The following EPHA7 variants were observed in gnomAD, a reference collection of about 807,000 sequenced individuals.
EPHA7 encodes ephrin type-A receptor 7.
A neutral mutation model predicts 112.6 loss-of-function variants in EPHA7; 25 were observed. The ratio of observed to expected loss-of-function variants is 0.22; its 90% CI spans 0.16 to 0.31. EPHA7 has a LOEUF of 0.31. EPHA7 is among the 10% of genes least tolerant of loss of function. The pLI, the probability that EPHA7 is intolerant of heterozygous loss-of-function variation, is 1.00. For missense variants in EPHA7, 962 were observed against 1,212.6 expected (o/e 0.79, Z 3.07); for synonymous variants, 437 against 406.5 (o/e 1.07, Z -0.90).
intron 3 of EPHA7, among the ~76,000 whole-genome samples, chr6:93,397,650 G>A (rs561978311): frequency 6.6e-6 from 1 of 151,984 alleles, no homozygotes; most frequent in Admixed American, 6.6e-5. Flanking sequence ...CATTCCATTG[G>A]ATTCCAGTCT....
At chr6:93,245,560 A>C in intron 15 of EPHA7, 107 bp from the exon 16 acceptor site, 2 of 1,100,140 alleles carry the variant, frequency 1.8e-6, no homozygotes, top group Non-Finnish European at 2.5e-6. Flanking sequence ...AGATGTTTTA[A>C]TTGGTGTACA....
intron 5 of EPHA7, among the ~76,000 whole-genome samples, chr6:93,281,607 CATTA>C (rs1348214743): frequency 6.6e-6 from 1 of 152,118 alleles, no homozygotes; most frequent in East Asian, 1.9e-4. Flanking sequence ...CACACACATA[CATTA>C]GTTAATGACC....
Position 93,243,249 on chromosome 6 carries a change from T to C in EPHA7, c.*177A>G. On this transcript the variant is annotated 3_prime_UTR_variant, in exon 17 of 17. Transcript: ENST00000369303. ...CCGATGGTGGATCCTAAATTCCCTTTTTATATATTCTGGTGGCACTTAGGA... is the reference window on the plus strand; with the variant it reads ...CCGATGGTGGATCCTAAATTCCCTTCTTATATATTCTGGTGGCACTTAGGA... 4.4e-6 allele frequency: 2 copies of C among 449,856 alleles called. No homozygotes were observed. The highest frequency in any genetic ancestry group is 2.0e-5 in the African/African-American group (1 of 50,494). The allele number at this position is 449,856 out of a possible 1,614,324, so 27.9% of individuals were successfully genotyped here. A position where few individuals can be genotyped will look rare whatever the true frequency, so the allele number is the denominator to read the frequency against.
At chr6:93,364,196 TA>T (rs1776392112) in intron 3 of EPHA7, among the ~76,000 whole-genome samples, 1 of 152,142 alleles carries the variant, frequency 6.6e-6, no homozygotes, top group Non-Finnish European at 1.5e-5. Context: ...AATTGTATGA[TA>T]TGTGAATTAT....
chr6:93,368,666 A>G (rs1390374980), intron 3 of EPHA7, among the ~76,000 whole-genome samples: 1 of 152,184 alleles, frequency 6.6e-6, no homozygotes, highest in Non-Finnish European at 1.5e-5. Flanking sequence ...TAAAAAGAAG[A>G]TAATTAATTT....
At chr6:93,328,845 AAAT>A (rs887932987) in intron 5 of EPHA7, among the ~76,000 whole-genome samples, 7 of 151,442 alleles carry the variant, frequency 4.6e-5, no homozygotes, top group Admixed American at 1.3e-4. Context: ...TACATGGGCA[AAAT>A]AATACTTTGA....
At chr6:93,268,485 A>G (rs1771055194) in intron 7 of EPHA7, among the ~76,000 whole-genome samples, 1 of 151,810 alleles carries the variant, frequency 6.6e-6, no homozygotes, top group Admixed American at 6.6e-5. Flanking sequence ...TTTTTAATTG[A>G]GAAAAGTCAT....
At chr6:93,267,352 C>T (rs763072874) in intron 7 of EPHA7, among the ~76,000 whole-genome samples, 1 of 151,666 alleles carries the variant, frequency 6.6e-6, no homozygotes, top group Non-Finnish European at 1.5e-5. Context: ...TACTACTATA[C>T]TAGAAATTAG....
intron 5 of EPHA7, among the ~76,000 whole-genome samples, chr6:93,335,180 A>G (rs774769796): frequency 3.9e-5 from 6 of 152,122 alleles, no homozygotes; most frequent in Non-Finnish European, 8.8e-5. Context: ...ACCAGAATGT[A>G]TCCTTCAATG....
At chr6:93,252,293 A>C (rs1178403113) in intron 14 of EPHA7, among the ~76,000 whole-genome samples, 1 of 152,018 alleles carries the variant, frequency 6.6e-6, no homozygotes, top group Non-Finnish European at 1.5e-5. Flanking sequence ...TTAAAATTTG[A>C]GGGCTTTCTA....
At chr6:93,257,570 G>A (rs1433598950) in intron 11 of EPHA7, 47 bp from the exon 12 acceptor site, 1 of 1,285,014 alleles carries the variant, frequency 7.8e-7, no homozygotes, top group Middle Eastern at 1.9e-4. Flanking sequence ...CTGAGCTGGA[G>A]GGTCATTTCC....
chr6:93,263,266 C>T (rs890149391), intron 9 of EPHA7, among the ~76,000 whole-genome samples: 5 of 151,294 alleles, frequency 3.3e-5, no homozygotes, highest in Admixed American at 1.3e-4. Context: ...TGCAGATAGG[C>T]ATCTATTTTA....
intron 15 of EPHA7, among the ~76,000 whole-genome samples, chr6:93,245,684 T>C (rs1220081490): frequency 6.6e-6 from 1 of 152,218 alleles, no homozygotes; most frequent in Admixed American, 6.5e-5. Context: ...AGTTTTGTCT[T>C]CCATATGTTT....
chr6:93,302,821 TG>T (rs76735859), intron 5 of EPHA7, among the ~76,000 whole-genome samples: 41,135 of 151,840 alleles, frequency 0.27, 5,737 homozygotes, highest in East Asian at 0.49. Flanking sequence ...CCTGGAGTCA[TG>T]GAAGAGAAAT....
intron 9 of EPHA7, among the ~76,000 whole-genome samples, chr6:93,259,697 A>T (rs747591644): frequency 3.3e-5 from 5 of 152,004 alleles, no homozygotes; most frequent in Non-Finnish European, 5.9e-5. Context: ...TAGGTTACTA[A>T]CTGAATTGCT....
intron 5 of EPHA7, among the ~76,000 whole-genome samples, chr6:93,288,261 T>C (rs772133433): frequency 6.6e-6 from 1 of 152,204 alleles, no homozygotes; most frequent in Non-Finnish European, 1.5e-5. Context: ...GGATAGGCTG[T>C]ACAGTACAAC....
At chr6:93,290,074 G>A (rs6920160) in intron 5 of EPHA7, among the ~76,000 whole-genome samples, 10,344 of 151,856 alleles carry the variant, frequency 0.068, 527 homozygotes, top group Admixed American at 0.13. Flanking sequence ...GTTCTTTATA[G>A]TATCTAAGCC....
chr6:93,290,855 C>T (rs1772322842), intron 5 of EPHA7, among the ~76,000 whole-genome samples: 1 of 152,102 alleles, frequency 6.6e-6, no homozygotes, highest in African/African-American at 2.4e-5. Flanking sequence ...ACACAAATGA[C>T]TCTTTAAAGG....
chr6:93,313,586 A>G (rs1773646933), intron 5 of EPHA7, among the ~76,000 whole-genome samples: 1 of 152,130 alleles, frequency 6.6e-6, no homozygotes, highest in Non-Finnish European at 1.5e-5. Context: ...ATGGATAACT[A>G]AGCAGAATAA....
Sources: allele counts gnomAD v4.1 joint callset (sites outside exome capture counted in the v4.1 genomes callset), GRCh38; gene constraint gnomAD v4.1.1; transcripts MANE v1.5; gene names NCBI Gene and HGNC (gene_info 2026-07-23, HGNC 2026-07-21).